The following NAALADL2 variants were observed in gnomAD, a reference collection of about 807,000 sequenced individuals.
The protein encoded by NAALADL2 is N-acetylated alpha-linked acidic dipeptidase like 2, also known as inactive N-acetylated-alpha-linked acidic dipeptidase-like protein 2.
NAALADL2 carries 76 observed loss-of-function variants against 87.2 expected under a neutral mutation model. The ratio of observed to expected loss-of-function variants is 0.87; its 90% CI spans 0.72 to 1.05. NAALADL2 has a LOEUF of 1.05. NAALADL2 is among the 50% of genes least tolerant of loss of function. The pLI, the probability that NAALADL2 is intolerant of heterozygous loss-of-function variation, is 0.00. For synonymous variants in NAALADL2, 354 were observed against 331.0 expected (o/e 1.07, Z -0.75); for missense variants, 1,089 against 945.8 (o/e 1.15, Z -1.99).
At chr3:174,636,158 CCTAT>C (rs1722625757) in intron 2 of NAALADL2, among the ~76,000 whole-genome samples, 3 of 152,076 alleles carry the variant, frequency 2.0e-5, no homozygotes, top group Admixed American at 1.3e-4. Context: ...AAACTGGACC[CCTAT>C]CTTTCACCAC....
intron 1 of NAALADL2, among the ~76,000 whole-genome samples, chr3:175,057,799 G>T (rs1712539520): frequency 6.6e-6 from 1 of 152,140 alleles, no homozygotes; most frequent in Non-Finnish European, 1.5e-5. Context: ...ATGTAAACGG[G>T]ACTTTCCATA....
intron 1 of NAALADL2, among the ~76,000 whole-genome samples, chr3:174,969,269 G>C (rs1370100633): frequency 6.6e-6 from 1 of 152,136 alleles, no homozygotes; most frequent in African/African-American, 2.4e-5. Context: ...TCTCAGGTAA[G>C]TCTTTTCTGA....
At chr3:174,596,140 T>G (rs1348052779) in intron 2 of NAALADL2, among the ~76,000 whole-genome samples, 2 of 152,202 alleles carry the variant, frequency 1.3e-5, no homozygotes, top group African/African-American at 4.8e-5. Context: ...ATCTTATTCC[T>G]TTACACTTAG....
At chr3:175,767,221 T>A (rs552487736) in intron 13 of NAALADL2, among the ~76,000 whole-genome samples, 9 of 151,846 alleles carry the variant, frequency 5.9e-5, no homozygotes. Context: ...TTAAAAAAAA[T>A]AGGTCTATAA....
At chr3:175,776,289 C>A (rs1750230961) in intron 13 of NAALADL2, 1 of 152,216 alleles carries the variant, frequency 6.6e-6, no homozygotes, top group African/African-American at 2.4e-5. Flanking sequence ...TGTTCCCTTG[C>A]TGTCTTTCAT....
intron 3 of NAALADL2, among the ~76,000 whole-genome samples, chr3:174,787,532 TTG>T (rs1716813177): frequency 7.4e-6 from 1 of 135,252 alleles, no homozygotes; most frequent in African/African-American, 2.7e-5. Flanking sequence ...ATAATTTAAT[TTG>T]TTACTTTTAA....
At chr3:175,534,910 A>G (rs574942059) in intron 9 of NAALADL2, among the ~76,000 whole-genome samples, 79 of 152,236 alleles carry the variant, frequency 5.2e-4, no homozygotes, top group Admixed American at 4.4e-3. Flanking sequence ...TTTAAAAAAA[A>G]AAAAAGAACA....
chr3:175,271,646 G>A (rs971665521), intron 4 of NAALADL2, among the ~76,000 whole-genome samples: 1 of 152,074 alleles, frequency 6.6e-6, no homozygotes, highest in Admixed American at 6.5e-5. Context: ...ACAAAAATTC[G>A]CCGGGTGTGG....
intron 2 of NAALADL2, among the ~76,000 whole-genome samples, chr3:174,714,906 C>T (rs1001304691): frequency 3.9e-5 from 6 of 152,074 alleles, no homozygotes; most frequent in Non-Finnish European, 7.3e-5. Flanking sequence ...CCAGTTTTTG[C>T]CCATTCAGTA....
chr3:174,874,040 C>T (rs974608000), intron 1 of NAALADL2, among the ~76,000 whole-genome samples: 3 of 152,028 alleles, frequency 2.0e-5, no homozygotes, highest in Non-Finnish European at 4.4e-5. Context: ...TACTGGAGTG[C>T]TGTTTTTCCT....
intron 4 of NAALADL2, among the ~76,000 whole-genome samples, chr3:175,295,749 CCTCT>C (rs138960653): frequency 1.2e-4 from 15 of 128,706 alleles, no homozygotes; most frequent in South Asian, 7.3e-4. Flanking sequence ...ACACACACTC[CCTCT>C]CTCTCTCTCT....
chr3:175,569,574 A>C (rs1313871903), intron 9 of NAALADL2, among the ~76,000 whole-genome samples: 3 of 152,118 alleles, frequency 2.0e-5, no homozygotes, highest in Non-Finnish European at 2.9e-5. Context: ...ATGGAGCCCT[A>C]GTGAATGAAA....
At chr3:174,912,976 G>A (rs548984010) in intron 1 of NAALADL2, among the ~76,000 whole-genome samples, 9 of 152,154 alleles carry the variant, frequency 5.9e-5, no homozygotes, top group African/African-American at 1.9e-4. Context: ...ATATTTCATG[G>A]TTTCTAAAAT....
intron 1 of NAALADL2, among the ~76,000 whole-genome samples, chr3:174,964,855 G>GTA (rs1742635753): frequency 6.6e-6 from 1 of 150,470 alleles, no homozygotes; most frequent in East Asian, 1.9e-4. Flanking sequence ...GTTTGTGTGT[G>GTA]TATATATATG....
chr3:175,707,128 A>G (rs981437695), intron 11 of NAALADL2, among the ~76,000 whole-genome samples: 4 of 152,124 alleles, frequency 2.6e-5, no homozygotes, highest in Admixed American at 2.6e-4. Flanking sequence ...AATTATAAGC[A>G]TAGTTTATTA....
intron 11 of NAALADL2, among the ~76,000 whole-genome samples, chr3:175,664,074 T>C (rs1359230888): frequency 6.6e-6 from 1 of 152,030 alleles, no homozygotes; most frequent in East Asian, 1.9e-4. Flanking sequence ...AGATCAATTA[T>C]TGGAAAATTT....
intron 1 of NAALADL2, among the ~76,000 whole-genome samples, chr3:174,514,789 A>T (rs1432152975): frequency 2.6e-5 from 4 of 152,146 alleles, no homozygotes; most frequent in African/African-American, 9.7e-5. Flanking sequence ...CAATTTAGAA[A>T]ATAACAGTAC....
chr3:175,195,931 G>A (rs748908477), intron 2 of NAALADL2, among the ~76,000 whole-genome samples: 22 of 151,998 alleles, frequency 1.4e-4, no homozygotes, highest in African/African-American at 5.1e-4. Flanking sequence ...AGATGCTTAT[G>A]ACCCACTGAT....
At chr3:174,991,194 A>G (rs1746692265) in intron 1 of NAALADL2, among the ~76,000 whole-genome samples, 1 of 152,136 alleles carries the variant, frequency 6.6e-6, no homozygotes, top group Non-Finnish European at 1.5e-5. Flanking sequence ...TCAATAAGTT[A>G]TTATTGAGTA....
Sources: gnomAD v4.1 joint callset for allele counts (sites outside exome capture counted in the v4.1 genomes callset) on GRCh38, gnomAD v4.1.1 for gene constraint, MANE v1.5 for transcripts, NCBI Gene and HGNC (gene_info 2026-07-23, HGNC 2026-07-21) for gene names.